The following ZHX3 variants were observed in gnomAD, a reference collection of about 807,000 sequenced individuals.
ZHX3 encodes zinc fingers and homeoboxes protein 3.
In ZHX3, 20 loss-of-function variants were observed where a neutral mutation model predicts 64.5. The observed-to-expected ratio is 0.31, with a 90% CI of 0.22 to 0.45. The LOEUF (loss-of-function observed/expected upper bound fraction) is 0.45. Among genes scored for constraint, ZHX3 ranks in the 20% least tolerant of loss-of-function variants. The pLI, the probability that ZHX3 is intolerant of heterozygous loss-of-function variation, is 1.00. For synonymous variants in ZHX3, 423 were observed against 461.6 expected (o/e 0.92, Z 1.07); for missense variants, 1,041 against 1,195.8 (o/e 0.87, Z 1.91).
At chr20:41,248,351 T>C (rs901488691) in intron 2 of ZHX3, among the ~76,000 whole-genome samples, 2 of 152,190 alleles carry the variant, frequency 1.3e-5, no homozygotes, top group Admixed American at 6.5e-5. Flanking sequence ...TGACCATTAT[T>C]AATGTCTTCT....
intron 2 of ZHX3, among the ~76,000 whole-genome samples, chr20:41,231,818 C>T (rs1428399823): frequency 1.4e-4 from 21 of 152,200 alleles, no homozygotes. Flanking sequence ...AAAATTCTAT[C>T]AGCCAACAGC....
At chr20:41,270,834 AG>A (rs1478477767) in intron 1 of ZHX3, among the ~76,000 whole-genome samples, 2 of 152,164 alleles carry the variant, frequency 1.3e-5, no homozygotes, top group Non-Finnish European at 2.9e-5. Context: ...CTACTGAATT[AG>A]CTCTTGAAAA....
intron 2 of ZHX3, among the ~76,000 whole-genome samples, chr20:41,214,051 G>T (rs1042226310): frequency 6.6e-6 from 1 of 152,240 alleles, no homozygotes; most frequent in East Asian, 1.9e-4. Context: ...CTCCAGCCAG[G>T]ATGACAGAGC....
chr20:41,230,754 G>C (rs541909882), intron 2 of ZHX3, among the ~76,000 whole-genome samples: 74 of 152,194 alleles, frequency 4.9e-4, no homozygotes, highest in African/African-American at 1.7e-3. Flanking sequence ...CTGACCAGAA[G>C]GTATAGATAT....
chr20:41,260,383 A>ACAGTTTG (rs1568911372), intron 2 of ZHX3, among the ~76,000 whole-genome samples: 1 of 152,212 alleles, frequency 6.6e-6, no homozygotes, highest in Non-Finnish European at 1.5e-5. Context: ...TAAGGTAGAA[A>ACAGTTTG]TAAAACTTTT....
rs2037373224 is a variant in ZHX3, at chr20:41,195,100, G to C, written c.2860+6957C>G. Among the ~76,000 whole-genome samples, 1 of 151,988 alleles carries C rather than the reference G, an allele frequency of 6.6e-6. No homozygotes were observed. Among genetic ancestry groups the C allele is most frequent in the Non-Finnish European group, 1.5e-5 (1 of 67,998 alleles). On this transcript the variant is annotated intron_variant, in intron 3 of 3. Coordinates refer to ENST00000683867, the MANE Select transcript of ZHX3 (RefSeq NM_001384317.1). This position sits in a 1 kb window ranked among gnomAD's most constrained non-coding sequence, Gnocchi z 4.2. ...TCTAGTTCTTTAAAGTGTACATTTA[G>C]TTTACTGATTTGAGATCTTAAAAAA... is the stretch of plus-strand genomic sequence containing the variant.
chr20:41,202,110 T>G lies in ZHX3; in HGVS notation c.2807A>C (p.Glu936Ala). Reference sequence around the variant, plus strand: ...TGTGTCAAAGGGCTCTGAGCTGGCCTCAGGGACACGGGGCTCCCACGACTC... The same window carrying G: ...TGTGTCAAAGGGCTCTGAGCTGGCCGCAGGGACACGGGGCTCCCACGACTC... ...NSESWEPRVP[E>A]ASSEPFDTSS... Residue 936 changes from glutamate (E) to alanine (A), a missense_variant, in exon 3 of 4, where the codon GAG becomes GCG. Transcript: ENST00000683867. This position sits in a 1 kb window ranked among gnomAD's most constrained non-coding sequence, Gnocchi z 7.0. 6.2e-7 allele frequency: 1 copy of G among 1,613,642 alleles called. No individual in the cohort carries two copies. Among genetic ancestry groups the G allele is most frequent in the Non-Finnish European group, 8.5e-7 (1 of 1,179,790 alleles).
At chr20:41,275,503 G>A (rs1420204862) in intron 1 of ZHX3, among the ~76,000 whole-genome samples, 1 of 152,192 alleles carries the variant, frequency 6.6e-6, no homozygotes, top group Non-Finnish European at 1.5e-5. Flanking sequence ...ATGCAGTGAC[G>A]CAAAAGATAG....
At chr20:41,222,142 C>T (rs749813835) in intron 2 of ZHX3, among the ~76,000 whole-genome samples, 2 of 152,164 alleles carry the variant, frequency 1.3e-5, no homozygotes, top group Non-Finnish European at 2.9e-5. Flanking sequence ...CAGGAGATGA[C>T]AGCAGCATGG....
At position 41,273,816 on chromosome 20, in the gene ZHX3, A is replaced by C. The variant is rs372292535; in HGVS notation, c.-244-4733T>G. Among the ~76,000 whole-genome samples, 156 of 152,206 alleles carry C rather than the reference A, an allele frequency of 1.0e-3. 1 individual carries two copies. The highest frequency in any genetic ancestry group is 3.4e-3 in the African/African-American group (143 of 41,536). Reference sequence around the variant, plus strand: ...GTTTTTCTTTTTCAAGATTGTTTTGACTATTCAGGGTCCCTTGCAATTCTA... The same window carrying C: ...GTTTTTCTTTTTCAAGATTGTTTTGCCTATTCAGGGTCCCTTGCAATTCTA... On this transcript the variant is annotated intron_variant, in intron 1 of 3. Coordinates refer to ENST00000683867, the MANE Select transcript of ZHX3 (RefSeq NM_001384317.1).
intron 2 of ZHX3, among the ~76,000 whole-genome samples, chr20:41,210,381 T>C (rs2039065456): frequency 6.6e-6 from 1 of 152,196 alleles, no homozygotes; most frequent in East Asian, 1.9e-4. Context: ...CATGCTGCTA[T>C]AAAGACACAT....
intron 2 of ZHX3, among the ~76,000 whole-genome samples, chr20:41,262,325 C>T (rs1451738127): frequency 3.9e-5 from 6 of 152,166 alleles, no homozygotes; most frequent in South Asian, 2.1e-4. Context: ...TGAAACTTGT[C>T]GCCCAACATT....
chr20:41,212,780 A>T lies in ZHX3; in HGVS notation c.-150-7714T>A, dbSNP rs1233491140. ...CCATTGTACTCCAGCCTGGGCAACA[A>T]GAGCTAAACTGTGTCTCAAAAAAAA... is the stretch of plus-strand genomic sequence containing the variant. On this transcript the variant is annotated intron_variant, in intron 2 of 3. Coordinates refer to ENST00000683867, the MANE Select transcript of ZHX3 (RefSeq NM_001384317.1). This position sits in a 1 kb window ranked among gnomAD's most constrained non-coding sequence, Gnocchi z 4.3. 6.6e-6 allele frequency among the ~76,000 whole-genome samples: 1 copy of T among 151,878 alleles called. No homozygotes were observed. Among genetic ancestry groups the T allele is most frequent in the Non-Finnish European group, 1.5e-5 (1 of 67,962 alleles).
chr20:41,185,139 G>T lies in ZHX3; in HGVS notation c.*52C>A, dbSNP rs541800899. 3.8e-6 allele frequency: 6 copies of T among 1,596,108 alleles called. No individual in the cohort carries two copies. In the Admixed American group the frequency reaches 1.0e-4, roughly 28 times the overall value. On this transcript the variant is annotated 3_prime_UTR_variant, in exon 4 of 4. Coordinates refer to ENST00000683867, the MANE Select transcript of ZHX3 (RefSeq NM_001384317.1). The surrounding 1 kb of genome is among the most constrained non-coding windows in gnomAD (Gnocchi z 5.0). ...AGAGAGTCGGGTTTGGCTCTTCCACGTGGCAGGCGGTTTCCCAGACTGGCC... is the reference window on the plus strand; with the variant it reads ...AGAGAGTCGGGTTTGGCTCTTCCACTTGGCAGGCGGTTTCCCAGACTGGCC...
Position 41,181,729 on chromosome 20 carries a change from G to C in ZHX3, c.*3462C>G, listed in dbSNP as rs2036258043. 6.6e-6 allele frequency: 1 copy of C among 152,256 alleles called. No homozygotes were observed. The highest frequency in any genetic ancestry group is 1.5e-5 in the Non-Finnish European group (1 of 68,070). 9.4% of individuals were successfully genotyped at this position (152,256 alleles called of 1,614,324 possible). On this transcript the variant is annotated 3_prime_UTR_variant, in exon 4 of 4. Transcript: ENST00000683867. ...ATAAAACCCACAAGGGCACATCTCAGGCTACGGAATAGAGAGATTTCCTGG... is the reference window on the plus strand; with the variant it reads ...ATAAAACCCACAAGGGCACATCTCACGCTACGGAATAGAGAGATTTCCTGG...
chr20:41,184,963 G>A lies in ZHX3; in HGVS notation c.*228C>T. On this transcript the variant is annotated 3_prime_UTR_variant, in exon 4 of 4. Transcript: ENST00000683867. The stretch of plus-strand genomic sequence containing the variant: ...AGGTAAAGGAAAGGTCCTACATTGT[G>A]GGAGGAAGAACTGATGAGAACCCCA... The A allele has an allele frequency of 2.6e-6, 4 of 1,547,684 alleles. No individual in the cohort carries two copies. The highest frequency in any genetic ancestry group is 3.5e-6 in the Non-Finnish European group (4 of 1,146,978).
At chr20:41,244,551 T>C (rs1405789308) in intron 2 of ZHX3, among the ~76,000 whole-genome samples, 2 of 152,080 alleles carry the variant, frequency 1.3e-5, no homozygotes, top group Non-Finnish European at 1.5e-5. Flanking sequence ...TGGAGGCAAA[T>C]AAGATCCCAT....
At chr20:41,199,629 G>A (rs985643769) in intron 3 of ZHX3, among the ~76,000 whole-genome samples, 3 of 151,516 alleles carry the variant, frequency 2.0e-5, no homozygotes, top group Admixed American at 6.6e-5. Flanking sequence ...CTGCCCAAGG[G>A]CATTGAGACA....
In ZHX3 at chr20:41,183,492, G is replaced by A. The variant is rs2036316503; in HGVS notation, c.*1699C>T. ...CAAGACCTCTCCTGGAAGGCAGAAG[G>A]GGCCACCGCCATGCTTGTCCTTGGA... On this transcript the variant is annotated 3_prime_UTR_variant, in exon 4 of 4. Coordinates refer to ENST00000683867, the MANE Select transcript of ZHX3 (RefSeq NM_001384317.1). This position sits in a 1 kb window ranked among gnomAD's most constrained non-coding sequence, Gnocchi z 5.3. 6.6e-6 allele frequency: 1 copy of A among 152,248 alleles called. No homozygotes were observed. 9.4% of individuals were successfully genotyped at this position (152,248 alleles called of 1,614,324 possible). A position where few individuals can be genotyped will look rare whatever the true frequency, so the allele number is the denominator to read the frequency against.
Sources: gnomAD v4.1 joint callset for allele counts (sites outside exome capture counted in the v4.1 genomes callset) on GRCh38, gnomAD v4.1.1 for gene constraint, Gnocchi (gnomAD v3.1) non-coding constraint, MANE v1.5 for transcripts, NCBI Gene and HGNC (gene_info 2026-07-23, HGNC 2026-07-21) for gene names.